The following GRID2 variants were observed in gnomAD, a reference collection of about 807,000 sequenced individuals.
GRID2 encodes glutamate receptor ionotropic, delta-2.
GRID2 carries 33 observed loss-of-function variants against 114.8 expected under a neutral mutation model. The observed-to-expected ratio is 0.29, with a 90% confidence interval of 0.22 to 0.38. The LOEUF (loss-of-function observed/expected upper bound fraction) is 0.38, where lower values mean the gene tolerates loss of function less well. Ranked by LOEUF, GRID2 falls within the 10% of genes least tolerant of loss-of-function variation. The pLI is 1.00. For synonymous variants in GRID2, 505 were observed against 449.9 expected, an observed-to-expected ratio of 1.12 and a Z score of -1.55; for missense variants, 1,184 against 1,257.7, an observed-to-expected ratio of 0.94 and a Z score of 0.89.
chr4:92,899,064 A>G (rs923908957), intron 2 of GRID2, among the ~76,000 whole-genome samples: 1 of 152,140 alleles, frequency 6.6e-6, no homozygotes, highest in Non-Finnish European at 1.5e-5. Flanking sequence ...TATATCTGAT[A>G]AAAGATGATT....
intron 2 of GRID2, among the ~76,000 whole-genome samples, chr4:92,604,504 CAG>C (rs1040540224): frequency 2.6e-5 from 4 of 151,498 alleles, no homozygotes; most frequent in African/African-American, 9.7e-5. Context: ...CACATGGACA[CAG>C]GGAGGGGAAC....
At chr4:92,624,504 T>A (rs912244856) in intron 2 of GRID2, among the ~76,000 whole-genome samples, 1 of 151,840 alleles carries the variant, frequency 6.6e-6, no homozygotes, top group Non-Finnish European at 1.5e-5. Flanking sequence ...CAGCCAAATA[T>A]CTCTTGATGG....
At chr4:92,719,825 C>G (rs894282733) in intron 2 of GRID2, among the ~76,000 whole-genome samples, 1 of 152,070 alleles carries the variant, frequency 6.6e-6, no homozygotes, top group African/African-American at 2.4e-5. Context: ...AACTTTCAGT[C>G]TTTTGATCAG....
At chr4:92,467,009 A>G (rs1320448613) in intron 1 of GRID2, among the ~76,000 whole-genome samples, 1 of 151,818 alleles carries the variant, frequency 6.6e-6, no homozygotes, top group Non-Finnish European at 1.5e-5. Context: ...TAATTCTTCA[A>G]ATAAATACTC....
chr4:92,333,559 A>G (rs1228879535), intron 1 of GRID2, among the ~76,000 whole-genome samples: 1 of 152,042 alleles, frequency 6.6e-6, no homozygotes, highest in Non-Finnish European at 1.5e-5. Flanking sequence ...TCATCTTTAC[A>G]TGGCCAGGCT....
At chr4:93,523,967 T>C (rs2149502273) in intron 13 of GRID2, among the ~76,000 whole-genome samples, 1 of 152,196 alleles carries the variant, frequency 6.6e-6, no homozygotes, top group Admixed American at 6.6e-5. Context: ...GCTTGTTCCA[T>C]TCCCCTTCCT....
intron 1 of GRID2, among the ~76,000 whole-genome samples, chr4:92,537,536 T>C (rs915924874): frequency 2.0e-5 from 3 of 152,202 alleles, no homozygotes; most frequent in Admixed American, 2.0e-4. Flanking sequence ...GGAGAAAGTA[T>C]TTGGATTTCA....
At chr4:93,158,526 C>T (rs1225889901) in intron 4 of GRID2, among the ~76,000 whole-genome samples, 1 of 150,562 alleles carries the variant, frequency 6.6e-6, no homozygotes. Context: ...TACCATACTA[C>T]CTTACCTTGC....
chr4:93,327,691 G>A (rs1757985947), intron 8 of GRID2, among the ~76,000 whole-genome samples: 1 of 151,186 alleles, frequency 6.6e-6, no homozygotes, highest in South Asian at 2.1e-4. Context: ...TGAATAATGT[G>A]TACACATGGA....
intron 2 of GRID2, among the ~76,000 whole-genome samples, chr4:92,771,438 C>G (rs934770035): frequency 6.6e-6 from 1 of 152,010 alleles, no homozygotes; most frequent in African/African-American, 2.4e-5. Flanking sequence ...TTCTGTTATC[C>G]TACATTTTCT....
rs61145484 is a variant in GRID2, at chr4:93,238,689, C to G, written c.1245+199C>G. On this transcript the variant is annotated intron_variant, in intron 8 of 15. Transcript: ENST00000282020. ...ATTAAGCAAGAAATTCTATTTCCGA[C>G]TTAGAATAATGTAAAGGAAAAAAGT... Among the ~76,000 whole-genome samples the G allele has an allele frequency of 0.13, 19,740 of 151,404 alleles. 2,393 individuals are homozygous for G. The highest frequency in any genetic ancestry group is 0.32 in the African/African-American group (13,011 of 41,282).
intron 2 of GRID2, among the ~76,000 whole-genome samples, chr4:92,856,743 A>G (rs1030888185): frequency 2.0e-5 from 3 of 152,140 alleles, no homozygotes; most frequent in African/African-American, 4.8e-5. Context: ...TTTCTTCAAC[A>G]TCTTGTACGT....
chr4:93,324,713 AGTCTGTTATTG>A (rs946763134), intron 8 of GRID2, among the ~76,000 whole-genome samples: 7 of 151,796 alleles, frequency 4.6e-5, no homozygotes, highest in Non-Finnish European at 8.8e-5. Context: ...TCAATTTCAG[AGTCTGTTATTG>A]GTCTATTCAG....
intron 2 of GRID2, among the ~76,000 whole-genome samples, chr4:92,672,442 T>C (rs999493176): frequency 6.6e-6 from 1 of 152,144 alleles, no homozygotes; most frequent in Non-Finnish European, 1.5e-5. Context: ...TATTTTATGA[T>C]TAATATTTTT....
intron 1 of GRID2, among the ~76,000 whole-genome samples, chr4:92,540,169 G>T (rs943595807): frequency 3.3e-5 from 5 of 152,124 alleles, no homozygotes; most frequent in Admixed American, 2.6e-4. Flanking sequence ...AGACTTCAAT[G>T]TTAGACCTAA....
At chr4:93,513,037 AGATTAAAACCTTCT>A (rs1729350649) in intron 12 of GRID2, among the ~76,000 whole-genome samples, 2 of 152,178 alleles carry the variant, frequency 1.3e-5, no homozygotes, top group South Asian at 4.1e-4. Context: ...CACCTCCATT[AGATTAAAACCTTCT>A]GATCATTATA....
At position 93,774,144 on chromosome 4, in the gene GRID2, G is replaced by C. The variant is rs1015949483; in HGVS notation, c.*1646G>C. ...TATATTATATTTTGATGCTAATTCT[G>C]TTCTGGGGAGCATCTTGTATTGTCA... On this transcript the variant is annotated 3_prime_UTR_variant, in exon 16 of 16. Transcript: ENST00000282020. 6.6e-6 allele frequency: 1 copy of C among 152,052 alleles called. No homozygotes were observed. The allele number at this position is 152,052 out of a possible 1,614,324, so 9.4% of individuals were successfully genotyped here.
chr4:93,797,926 G>A (rs1341267007), intron 1 of GRID2, among the ~76,000 whole-genome samples: 1 of 151,670 alleles, frequency 6.6e-6, no homozygotes, highest in East Asian at 1.9e-4. Context: ...GCCGAGCCAG[G>A]TGGATCACCT....
chr4:92,942,202 C>T (rs1170429775), intron 2 of GRID2, among the ~76,000 whole-genome samples: 1 of 152,124 alleles, frequency 6.6e-6, no homozygotes, highest in Non-Finnish European at 1.5e-5. Flanking sequence ...GTGTTGGAGT[C>T]TAAGTCTCTT....
Sources: allele counts gnomAD v4.1 joint callset (sites outside exome capture counted in the v4.1 genomes callset), GRCh38; gene constraint gnomAD v4.1.1; transcripts MANE v1.5; gene names NCBI Gene and HGNC (gene_info 2026-07-23, HGNC 2026-07-21).